The following COL28A1 variants were observed in gnomAD, a reference collection of about 807,000 sequenced individuals.
The protein encoded by COL28A1 is collagen type XXVIII alpha 1 chain.
A neutral mutation model predicts 150.2 loss-of-function variants in COL28A1; 161 were observed. The ratio of observed to expected loss-of-function variants is 1.07; its 90% CI spans 0.94 to 1.22. The LOEUF (loss-of-function observed/expected upper bound fraction) is 1.22, where lower values mean the gene tolerates loss of function less well. Ranked by LOEUF, COL28A1 falls within the 50% of genes most tolerant of loss-of-function variation. The probability of loss-of-function intolerance (pLI) is 0.00; values close to 1 mark genes in which losing one functional copy is unlikely to be tolerated. For missense variants in COL28A1, 1,617 were observed against 1,388.3 expected, an observed-to-expected ratio of 1.16 and a Z score of -2.62; for synonymous variants, 552 against 469.7, an observed-to-expected ratio of 1.18 and a Z score of -2.26.
intron 30 of COL28A1, among the ~76,000 whole-genome samples, chr7:7,378,856 C>T (rs1032655281): frequency 3.9e-5 from 6 of 152,210 alleles, no homozygotes; most frequent in African/African-American, 1.4e-4. Context: ...ATCAGCCTGT[C>T]ACCGTCTTCT....
intron 5 of COL28A1, among the ~76,000 whole-genome samples, chr7:7,520,734 G>A (rs1225967892): frequency 1.3e-5 from 2 of 152,134 alleles, no homozygotes; most frequent in Non-Finnish European, 2.9e-5. Context: ...ACTAAAATGT[G>A]ACAAGAATGT....
At chr7:7,503,914 T>C (rs1780667496) in intron 11 of COL28A1, among the ~76,000 whole-genome samples, 2 of 152,224 alleles carry the variant, frequency 1.3e-5, no homozygotes, top group Admixed American at 1.3e-4. Context: ...CTTTGTTCAC[T>C]TGGCAGTGAA....
chr7:7,444,363 A>G (rs533842836), intron 19 of COL28A1, 55 bp downstream of exon 19: 43 of 1,606,326 alleles, frequency 2.7e-5, no homozygotes, highest in Admixed American at 5.2e-5. Context: ...CAGGACCAAG[A>G]TATCAGTTTG....
chr7:7,507,124 C>T lies in COL28A1; in HGVS notation c.965G>A (p.Gly322Glu). The T allele has an allele frequency of 7.1e-6, 9 of 1,269,482 alleles. No individual in the cohort carries two copies. The highest frequency in any genetic ancestry group is 1.2e-5 in the South Asian group (1 of 83,582). 78.6% of individuals were successfully genotyped at this position (1,269,482 alleles called of 1,614,324 possible). The change falls in exon 10 of 35, where the codon GGA (glycine) becomes GAA (glutamate). Residue 322 changes from glycine (G) to glutamate (E), a missense_variant. Coordinates refer to ENST00000399429, the MANE Select transcript of COL28A1 (RefSeq NM_001037763.3). Reference sequence around the variant, plus strand: ...TGGTTTTAACCCCCTTACCTGAATTCCTCTGGGTCCCTTTGGTCCATATGG... The same window carrying T: ...TGGTTTTAACCCCCTTACCTGAATTTCTCTGGGTCCCTTTGGTCCATATGG... Reference protein sequence around the residue: ...PGPYGPKGPRGIQGITGPPGD... With the variant: ...PGPYGPKGPREIQGITGPPGD...
chr7:7,509,694 C>T (rs1349206319), intron 9 of COL28A1, among the ~76,000 whole-genome samples: 1 of 151,712 alleles, frequency 6.6e-6, no homozygotes, highest in African/African-American at 2.4e-5. Flanking sequence ...ATTTAATAAT[C>T]CCTGACATCT....
intron 11 of COL28A1, among the ~76,000 whole-genome samples, chr7:7,501,827 C>G (rs1480394066): frequency 1.3e-5 from 2 of 152,158 alleles, no homozygotes; most frequent in African/African-American, 4.8e-5. Flanking sequence ...TCAGTTTGGT[C>G]TCAGGGATAA....
Position 7,373,355 on chromosome 7 carries a change from T to G in COL28A1, c.2551A>C (p.Asn851His), listed in dbSNP as rs1444406088. The change falls in exon 32 of 35, where the codon AAT becomes CAT. Residue 851 changes from asparagine to histidine, a missense_variant. Physicochemically the swap from Asn to His is moderately conservative, Grantham distance 68. Transcript: ENST00000399429. The surrounding 1 kb of genome is among the most constrained non-coding windows in gnomAD (Gnocchi z 4.1). ...TCCTTGCTGGAGAACTGCTTCAAAT[T>G]AGCCACCTTCTCCACCTTATGGCTA... ...NYSHKVEKVA[N>H]LKQFSSKDDF... The G allele has an allele frequency of 3.7e-6, 6 of 1,614,194 alleles. No individual in the cohort carries two copies. The highest frequency in any genetic ancestry group is 5.1e-6 in the Non-Finnish European group (6 of 1,180,034).
chr7:7,442,979 G>A (rs1295544160), intron 20 of COL28A1, among the ~76,000 whole-genome samples: 3 of 150,902 alleles, frequency 2.0e-5, no homozygotes, highest in African/African-American at 7.3e-5. Context: ...AGGTTGTAGT[G>A]AGCCAAGATC....
At chr7:7,370,214 C>T (rs1343424370) in intron 33 of COL28A1, among the ~76,000 whole-genome samples, 2 of 152,168 alleles carry the variant, frequency 1.3e-5, no homozygotes, top group African/African-American at 4.8e-5. Flanking sequence ...TAGCCTCCCT[C>T]ACAGTCCTCA....
chr7:7,382,840 A>G (rs1424625377), intron 27 of COL28A1, among the ~76,000 whole-genome samples: 4 of 152,086 alleles, frequency 2.6e-5, no homozygotes, highest in Admixed American at 6.6e-5. Context: ...TTTTGCCATA[A>G]GTCTGCTAAA....
At chr7:7,386,689 T>C (rs537934972) in intron 27 of COL28A1, among the ~76,000 whole-genome samples, 2 of 152,260 alleles carry the variant, frequency 1.3e-5, no homozygotes, top group Admixed American at 6.5e-5. Context: ...TCACAGACTC[T>C]TCTCAGGGAC....
At chr7:7,393,724 G>A (rs1373553727) in intron 27 of COL28A1, among the ~76,000 whole-genome samples, 1 of 152,118 alleles carries the variant, frequency 6.6e-6, no homozygotes, top group Non-Finnish European at 1.5e-5. Flanking sequence ...CACCCAATTG[G>A]GACTTCCCCG....
intron 13 of COL28A1, among the ~76,000 whole-genome samples, chr7:7,477,960 A>C (rs1015329315): frequency 1.3e-5 from 2 of 151,992 alleles, no homozygotes; most frequent in South Asian, 2.1e-4. Flanking sequence ...CTAGACACCA[A>C]AGTTCTTCAC....
chr7:7,395,243 A>G (rs1782771598), intron 27 of COL28A1, among the ~76,000 whole-genome samples: 1 of 152,168 alleles, frequency 6.6e-6, no homozygotes, highest in Non-Finnish European at 1.5e-5. Context: ...GCAGTGAGCC[A>G]AGATCACATC....
At chr7:7,399,608 T>G (rs976056158) in intron 27 of COL28A1, among the ~76,000 whole-genome samples, 4 of 151,970 alleles carry the variant, frequency 2.6e-5, no homozygotes, top group African/African-American at 9.7e-5. Flanking sequence ...GGAAGCAAAT[T>G]TCATGACAAA....
At chr7:7,431,721 C>T in intron 25 of COL28A1, 2 of 421,996 alleles carry the variant, frequency 4.7e-6, no homozygotes, top group South Asian at 3.5e-5. Context: ...AAAGACCACT[C>T]TTCCTGCTAA....
chr7:7,532,543 GAGATAATA>G (rs1451159259), intron 2 of COL28A1, among the ~76,000 whole-genome samples: 1 of 152,028 alleles, frequency 6.6e-6, no homozygotes, highest in East Asian at 1.9e-4. Flanking sequence ...AGGCTCAAAT[GAGATAATA>G]AGTGCACAAG....
intron 8 of COL28A1, among the ~76,000 whole-genome samples, chr7:7,515,259 A>G (rs1184777435): frequency 2.0e-5 from 3 of 152,186 alleles, no homozygotes; most frequent in Non-Finnish European, 2.9e-5. Flanking sequence ...GCAGTTTGGT[A>G]TCCTAACTTG....
intron 33 of COL28A1, among the ~76,000 whole-genome samples, chr7:7,369,344 T>G (rs1269753463): frequency 6.6e-6 from 1 of 152,232 alleles, no homozygotes; most frequent in African/African-American, 2.4e-5. Flanking sequence ...TTCTTGTGAG[T>G]AAGTTTCATC....
Sources: gnomAD v4.1 joint callset for allele counts (sites outside exome capture counted in the v4.1 genomes callset) on GRCh38, gnomAD v4.1.1 for gene constraint, Gnocchi (gnomAD v3.1) non-coding constraint, MANE v1.5 for transcripts, NCBI Gene and HGNC (gene_info 2026-07-23, HGNC 2026-07-21) for gene names.